The following CEP112 variants were observed in gnomAD, a reference collection of about 807,000 sequenced individuals.
The protein encoded by CEP112 is centrosomal protein 112.
In CEP112, 127 loss-of-function variants were observed where a neutral mutation model predicts 153.0. That is an observed-to-expected ratio of 0.83 (90% CI 0.72 to 0.96). CEP112 has a LOEUF of 0.96. Among genes scored for constraint, CEP112 ranks in the 40% least tolerant of loss-of-function variants. The probability of loss-of-function intolerance (pLI) is 0.00; values close to 1 mark genes in which losing one functional copy is unlikely to be tolerated. For synonymous variants in CEP112, 358 were observed against 374.4 expected (o/e 0.96, Z 0.51); for missense variants, 1,089 against 1,101.2 (o/e 0.99, Z 0.16).
chr17:65,911,186 A>G (rs2060269457), intron 19 of CEP112, among the ~76,000 whole-genome samples: 1 of 152,214 alleles, frequency 6.6e-6, no homozygotes, highest in South Asian at 2.1e-4. Context: ...AGATCAAAAT[A>G]AGAACTCAGG....
intron 18 of CEP112, among the ~76,000 whole-genome samples, chr17:65,936,809 C>CTCCTCCCCTTCCCCCTCCCCCTCT (rs1555720992): frequency 1.1e-5 from 1 of 94,728 alleles, no homozygotes; most frequent in Admixed American, 1.5e-4. Context: ...CCTCCCCCTC[C>CTCCTCCCCTTCCCCCTCCCCCTCT]CCCTCTCCCC....
chr17:65,793,488 A>C (rs2145748469), intron 21 of CEP112, among the ~76,000 whole-genome samples: 1 of 152,334 alleles, frequency 6.6e-6, no homozygotes, highest in Non-Finnish European at 1.5e-5. Context: ...TGTACCCCTG[A>C]ACTTAAAAGT....
chr17:66,045,995 A>G (rs982876450), intron 12 of CEP112, among the ~76,000 whole-genome samples: 1 of 152,190 alleles, frequency 6.6e-6, no homozygotes, highest in East Asian at 1.9e-4. Flanking sequence ...AAAGACAGAT[A>G]TGAGAATCCA....
At chr17:66,180,680 G>A (rs1474281271) in intron 2 of CEP112, among the ~76,000 whole-genome samples, 6 of 151,936 alleles carry the variant, frequency 3.9e-5, no homozygotes, top group Non-Finnish European at 7.4e-5. Flanking sequence ...TACATATAAT[G>A]GTCTATATTA....
chr17:66,181,658 A>T (rs2072727554), intron 2 of CEP112, among the ~76,000 whole-genome samples: 1 of 152,138 alleles, frequency 6.6e-6, no homozygotes, highest in Admixed American at 6.6e-5. Context: ...CTTGGCCCCT[A>T]AAATCTTTTT....
chr17:65,683,390 A>T (rs1157382474), intron 24 of CEP112, among the ~76,000 whole-genome samples: 1 of 152,186 alleles, frequency 6.6e-6, no homozygotes, highest in Non-Finnish European at 1.5e-5. Flanking sequence ...ACCAGATGAG[A>T]CTTACAACTA....
At chr17:65,689,249 A>G in intron 23 of CEP112, 31 bp from the exon 24 acceptor site, 1 of 1,489,000 alleles carries the variant, frequency 6.7e-7, no homozygotes, top group Admixed American at 1.7e-5. Flanking sequence ...GATATCATTA[A>G]TAATTAGCAC....
intron 6 of CEP112, among the ~76,000 whole-genome samples, chr17:66,102,896 T>C (rs1598355084): frequency 6.6e-6 from 1 of 150,734 alleles, no homozygotes; most frequent in African/African-American, 2.4e-5. Flanking sequence ...AAATGGAATC[T>C]ACCAAAAAAA....
intron 24 of CEP112, among the ~76,000 whole-genome samples, chr17:65,652,802 A>T (rs1268257832): frequency 6.6e-6 from 1 of 152,216 alleles, no homozygotes; most frequent in Non-Finnish European, 1.5e-5. Flanking sequence ...GATACCAACA[A>T]TGGCTAGTGA....
In CEP112 at chr17:66,096,254, T is replaced by C; in HGVS notation, c.765A>G (p.Lys255=). 3.1e-6 allele frequency: 5 copies of C among 1,608,556 alleles called. No individual in the cohort carries two copies. The highest frequency in any genetic ancestry group is 4.3e-6 in the Non-Finnish European group (5 of 1,175,852). The change falls in exon 8 of 27, where the codon AAA becomes AAG. Residue 255 remains lysine (K), a synonymous_variant. Transcript: ENST00000535342. ...DDHFLSRIRE[K]ELDMKTKMME... ...ATCAGCAATATCTCATTCCTACCTC[T>C]TTCTCACGTATTCGAGAGAGAAAAT...
At chr17:66,146,417 C>T (rs1568545375) in intron 4 of CEP112, among the ~76,000 whole-genome samples, 2 of 152,092 alleles carry the variant, frequency 1.3e-5, no homozygotes, top group Non-Finnish European at 2.9e-5. Flanking sequence ...ATTCTCTTAT[C>T]TTCTTAACAT....
At chr17:65,650,993 A>C (rs953155006) in intron 24 of CEP112, among the ~76,000 whole-genome samples, 8 of 151,796 alleles carry the variant, frequency 5.3e-5, no homozygotes, top group Admixed American at 2.6e-4. Flanking sequence ...TTACATGGGT[A>C]AGTTCTTTAG....
At chr17:66,028,801 CAT>C (rs1453109985) in intron 14 of CEP112, among the ~76,000 whole-genome samples, 2 of 151,798 alleles carry the variant, frequency 1.3e-5, no homozygotes, top group African/African-American at 2.4e-5. Context: ...AATAATAACG[CAT>C]ATAGTTACTC....
chr17:65,830,149 C>T (rs912401186), intron 21 of CEP112, among the ~76,000 whole-genome samples: 5 of 152,126 alleles, frequency 3.3e-5, no homozygotes, highest in Non-Finnish European at 7.3e-5. Context: ...GGAGTGGCAT[C>T]AGCAAGATGG....
intron 5 of CEP112, 97 bp from the exon 6 acceptor site, chr17:66,129,920 G>T (rs754982147): frequency 1.6e-6 from 1 of 642,294 alleles, no homozygotes. Context: ...AGATAGAAGA[G>T]ATAAAGGGAA....
chr17:65,954,131 C>T (rs1568285345), intron 18 of CEP112, among the ~76,000 whole-genome samples: 1 of 152,194 alleles, frequency 6.6e-6, no homozygotes, highest in Non-Finnish European at 1.5e-5. Context: ...CAGAGCAGGT[C>T]CTGGTATCCA....
At chr17:65,985,843 C>T (rs943556316) in intron 17 of CEP112, among the ~76,000 whole-genome samples, 35 of 51,618 alleles carry the variant, frequency 6.8e-4, no homozygotes, top group Non-Finnish European at 1.2e-3. Context: ...AGATCAAGGG[C>T]TTTTGTTTTT....
rs997472352 is a variant in CEP112 at position 66,032,446 on chromosome 17, C to T, written c.1219-2423G>A. On this transcript the variant is annotated intron_variant, in intron 12 of 26. Coordinates refer to ENST00000535342, the MANE Select transcript of CEP112 (RefSeq NM_001199165.4). Reference sequence around the variant, plus strand: ...ATAGATTGTCCAAGGAGGAGAGCCCCTAGTATTAATAATATCACAGGCTTT... The same window carrying T: ...ATAGATTGTCCAAGGAGGAGAGCCCTTAGTATTAATAATATCACAGGCTTT... Among the ~76,000 whole-genome samples the T allele has an allele frequency of 3.9e-5, 6 of 152,098 alleles. No homozygotes were observed. The South Asian group carries it at 1.2e-3, about 32-fold the overall frequency.
chr17:66,059,067 C>G (rs1424942765), intron 11 of CEP112, among the ~76,000 whole-genome samples: 1 of 152,040 alleles, frequency 6.6e-6, no homozygotes, highest in Non-Finnish European at 1.5e-5. Flanking sequence ...GAAAGGACCC[C>G]TTATCCAATA....
Sources: gnomAD v4.1 joint callset for allele counts (sites outside exome capture counted in the v4.1 genomes callset) on GRCh38, gnomAD v4.1.1 for gene constraint, MANE v1.5 for transcripts, NCBI Gene and HGNC (gene_info 2026-07-23, HGNC 2026-07-21) for gene names.